AGBL4: variants seen among roughly 807,000 people sequenced by gnomAD.
The protein encoded by AGBL4 is cytosolic carboxypeptidase 6.
Under a neutral mutation model 66.4 loss-of-function variants are expected in AGBL4, and 58 were observed. The observed-to-expected ratio is 0.87, with a 90% confidence interval of 0.71 to 1.09. The LOEUF is 1.09. Ranked by LOEUF, AGBL4 falls within the 50% of genes least tolerant of loss-of-function variation. The pLI, the probability that AGBL4 is intolerant of heterozygous loss-of-function variation, is 0.00. For synonymous variants in AGBL4, 234 were observed against 222.9 expected, an observed-to-expected ratio of 1.05 and a Z score of -0.44; for missense variants, 579 against 631.0, an observed-to-expected ratio of 0.92 and a Z score of 0.88.
At chr1:48,867,141 C>T (rs1280101132) in intron 6 of AGBL4, 50 bp downstream of exon 6, 11 of 1,592,496 alleles carry the variant, frequency 6.9e-6, no homozygotes, top group Non-Finnish European at 9.5e-6. Flanking sequence ...AACAAGGCAT[C>T]ATTCAAGAAA....
At chr1:49,404,596 A>G (rs1333674634) in intron 3 of AGBL4, among the ~76,000 whole-genome samples, 2 of 152,218 alleles carry the variant, frequency 1.3e-5, no homozygotes, top group African/African-American at 2.4e-5. Flanking sequence ...CCTTGAGGGT[A>G]GTGGAACCTA....
chr1:49,793,200 T>C (rs1644645556), intron 2 of AGBL4, among the ~76,000 whole-genome samples: 1 of 152,022 alleles, frequency 6.6e-6, no homozygotes, highest in Non-Finnish European at 1.5e-5. Context: ...TTGGTGATAG[T>C]TGTAGTCCCA....
At chr1:49,055,654 T>C (rs1644295129) in intron 4 of AGBL4, among the ~76,000 whole-genome samples, 1 of 152,116 alleles carries the variant, frequency 6.6e-6, no homozygotes, top group Non-Finnish European at 1.5e-5. Context: ...GTGTTAGATA[T>C]AGGTGTAGCT....
intron 3 of AGBL4, among the ~76,000 whole-genome samples, chr1:49,635,507 A>G (rs540621155): frequency 2.0e-5 from 3 of 152,334 alleles, no homozygotes; most frequent in African/African-American, 7.2e-5. Flanking sequence ...AATGACTTGC[A>G]TCTGGAATAC....
intron 1 of AGBL4, among the ~76,000 whole-genome samples, chr1:49,948,409 A>G (rs1655683859): frequency 8.5e-6 from 1 of 117,272 alleles, no homozygotes; most frequent in East Asian, 2.5e-4. Flanking sequence ...ATATATATAA[A>G]TATAGATAAA....
intron 6 of AGBL4, among the ~76,000 whole-genome samples, chr1:48,738,370 G>A (rs987981296): frequency 2.0e-5 from 3 of 152,184 alleles, no homozygotes; most frequent in Non-Finnish European, 1.5e-5. Flanking sequence ...CTGTTCATCC[G>A]CTCAGGAAAG....
At chr1:48,577,315 C>T (rs774739999) in intron 11 of AGBL4, among the ~76,000 whole-genome samples, 26 of 152,158 alleles carry the variant, frequency 1.7e-4, no homozygotes, top group Non-Finnish European at 2.6e-4. Flanking sequence ...TTATTTTGAC[C>T]GTAAGCTAAC....
intron 2 of AGBL4, among the ~76,000 whole-genome samples, chr1:49,803,316 T>G (rs1315228938): frequency 6.6e-6 from 1 of 152,122 alleles, no homozygotes; most frequent in South Asian, 2.1e-4. Flanking sequence ...CCTAGTCATA[T>G]AACAGAGTTG....
At chr1:49,897,745 TA>T (rs1210404905) in intron 1 of AGBL4, among the ~76,000 whole-genome samples, 10 of 151,802 alleles carry the variant, frequency 6.6e-5, no homozygotes, top group Admixed American at 1.3e-4. Context: ...GATAATAGCA[TA>T]AAAAACAGCA....
chr1:49,433,336 T>C (rs1645828341), intron 3 of AGBL4, among the ~76,000 whole-genome samples: 1 of 152,124 alleles, frequency 6.6e-6, no homozygotes, highest in African/African-American at 2.4e-5. Flanking sequence ...GGGACTGAAC[T>C]CTCAATCTGT....
chr1:48,834,874 G>A (rs904103975), intron 6 of AGBL4, among the ~76,000 whole-genome samples: 1 of 152,188 alleles, frequency 6.6e-6, no homozygotes, highest in African/African-American at 2.4e-5. Flanking sequence ...CTTGGTGAAA[G>A]TTGTTGCATG....
chr1:49,496,604 T>TAGA (rs1647598644), intron 3 of AGBL4, among the ~76,000 whole-genome samples: 1 of 130,948 alleles, frequency 7.6e-6, no homozygotes, highest in Non-Finnish European at 1.6e-5. Context: ...AGATTCCACA[T>TAGA]AGAAGTAATA....
chr1:49,847,071 T>A (rs1646166599), intron 2 of AGBL4, among the ~76,000 whole-genome samples: 2 of 152,114 alleles, frequency 1.3e-5, no homozygotes, highest in South Asian at 4.1e-4. Flanking sequence ...ATGGTACTGG[T>A]TTAAAAATAG....
chr1:49,643,608 G>A (rs1384351240), intron 3 of AGBL4, among the ~76,000 whole-genome samples: 2 of 151,702 alleles, frequency 1.3e-5, no homozygotes, highest in East Asian at 1.9e-4. Flanking sequence ...TATGCACATG[G>A]TAACAAATTT....
intron 5 of AGBL4, among the ~76,000 whole-genome samples, chr1:48,946,027 A>C (rs998019467): frequency 6.6e-6 from 1 of 152,176 alleles, no homozygotes; most frequent in African/African-American, 2.4e-5. Context: ...TCTTCCTCTG[A>C]ACTTCTGTTC....
chr1:48,997,348 A>C (rs1209009234), intron 5 of AGBL4, among the ~76,000 whole-genome samples: 2 of 152,192 alleles, frequency 1.3e-5, no homozygotes, highest in African/African-American at 4.8e-5. Flanking sequence ...ACAAAAGGAA[A>C]GGCAGGGTGT....
intron 3 of AGBL4, among the ~76,000 whole-genome samples, chr1:49,530,819 G>T (rs1388717093): frequency 1.3e-5 from 2 of 151,926 alleles, no homozygotes; most frequent in East Asian, 1.9e-4. Context: ...AAGAATATAA[G>T]CCCTAGTGTT....
chr1:48,829,131 G>C (rs1212205019), intron 6 of AGBL4, among the ~76,000 whole-genome samples: 1 of 152,204 alleles, frequency 6.6e-6, no homozygotes, highest in African/African-American at 2.4e-5. Context: ...ATCAGAAACA[G>C]TCATGAGCAC....
At chr1:49,915,704 A>C (rs1209450829) in intron 1 of AGBL4, among the ~76,000 whole-genome samples, 1 of 152,180 alleles carries the variant, frequency 6.6e-6, no homozygotes, top group Non-Finnish European at 1.5e-5. Context: ...CTGCAGATTT[A>C]AATGTCCCTG....
Sources: gnomAD v4.1 joint callset for allele counts (sites outside exome capture counted in the v4.1 genomes callset) on GRCh38, gnomAD v4.1.1 for gene constraint, MANE v1.5 for transcripts, NCBI Gene and HGNC (gene_info 2026-07-23, HGNC 2026-07-21) for gene names.